LTBP2: variants seen among roughly 807,000 people sequenced by gnomAD.
The protein encoded by LTBP2 is latent-transforming growth factor beta-binding protein 2.
Under a neutral mutation model 210.6 loss-of-function variants are expected in LTBP2, and 103 were observed. The observed-to-expected ratio is 0.49, with a 90% confidence interval of 0.42 to 0.58. The LOEUF is 0.58. Among genes scored for constraint, LTBP2 ranks in the 20% least tolerant of loss-of-function variants. The pLI is 0.00. For synonymous variants in LTBP2, 1,007 were observed against 1,015.0 expected (o/e 0.99, Z 0.15); for missense variants, 2,313 against 2,494.5 (o/e 0.93, Z 1.55).
At chr14:74,553,735 C>T (rs933280959) in intron 4 of LTBP2, among the ~76,000 whole-genome samples, 4 of 151,924 alleles carry the variant, frequency 2.6e-5, no homozygotes, top group African/African-American at 4.8e-5. Flanking sequence ...AAGCTGAGGC[C>T]GCTTCATTTC....
At chr14:74,505,637 G>A (rs2086972919) in intron 28 of LTBP2, among the ~76,000 whole-genome samples, 1 of 152,098 alleles carries the variant, frequency 6.6e-6, no homozygotes, top group Non-Finnish European at 1.5e-5. Context: ...GTCCAGCCTG[G>A]CGTGAGAGGC....
chr14:74,563,487 C>A (rs147085125), intron 3 of LTBP2, among the ~76,000 whole-genome samples: 1 of 152,112 alleles, frequency 6.6e-6, no homozygotes, highest in East Asian at 1.9e-4. Flanking sequence ...GGAAACACAG[C>A]GGCAGCTCCT....
At chr14:74,561,639 A>G (rs1037837306) in intron 3 of LTBP2, among the ~76,000 whole-genome samples, 3 of 152,226 alleles carry the variant, frequency 2.0e-5, no homozygotes, top group Non-Finnish European at 4.4e-5. Flanking sequence ...TACAATAAAT[A>G]TGCATCACAT....
At chr14:74,528,373 C>A (rs895560744) in intron 12 of LTBP2, 110 bp downstream of exon 12, 4 of 1,265,874 alleles carry the variant, frequency 3.2e-6, no homozygotes, top group African/African-American at 1.5e-5. Context: ...TTTCCTAATG[C>A]CACAGAGATG....
At position 74,561,242 on chromosome 14, in the gene LTBP2, C is replaced by T. The variant is rs555023378; in HGVS notation, c.831-5549G>A. 2.2e-3 allele frequency among the ~76,000 whole-genome samples: 336 copies of T among 151,996 alleles called. 1 individual carries two copies. Among genetic ancestry groups the T allele is most frequent in the Non-Finnish European group, 3.6e-3 (246 of 67,936 alleles). ...CTGAGGCAGGAGAATCACTTGAACC[C>T]GGGAGGCAGAGGTTGCAGTGAGCCG... On this transcript the variant is annotated intron_variant, in intron 3 of 35. Coordinates refer to ENST00000261978, the MANE Select transcript of LTBP2 (RefSeq NM_000428.3).
At chr14:74,573,828 C>G (rs1019208688) in intron 3 of LTBP2, among the ~76,000 whole-genome samples, 1 of 152,200 alleles carries the variant, frequency 6.6e-6, no homozygotes, top group Non-Finnish European at 1.5e-5. Context: ...ACTTTATCCA[C>G]ATTCCTTTGT....
intron 9 of LTBP2, among the ~76,000 whole-genome samples, chr14:74,533,017 G>C (rs1417216702): frequency 6.6e-6 from 1 of 152,088 alleles, no homozygotes; most frequent in Non-Finnish European, 1.5e-5. Context: ...TTTTTGTACT[G>C]TATTTTTTGT....
In LTBP2 at chr14:74,500,830, C is replaced by G; in HGVS notation, c.*54G>C. On this transcript the variant is annotated 3_prime_UTR_variant, in exon 36 of 36. Transcript: ENST00000261978. ...CAGCTAGGAAATCATCCTCAAGGCC[C>G]CTGCCTGTGACTGGAGGCCATTTCC... The G allele has an allele frequency of 1.9e-6, 3 of 1,609,678 alleles. No individual in the cohort carries two copies. The highest frequency in any genetic ancestry group is 2.5e-6 in the Non-Finnish European group (3 of 1,177,472).
Position 74,585,866 on chromosome 14 carries a change from G to A in LTBP2, c.818C>T (p.Ser273Leu), listed in dbSNP as rs143282840. 653 of 1,613,290 alleles carry A rather than the reference G, an allele frequency of 4.0e-4. 4 individuals carry two copies. The highest frequency in any genetic ancestry group is 1.5e-3 in the South Asian group (140 of 91,064). Reference protein sequence around the residue: ...PAPQSPPAPQSPPAGTLSGLS... With the variant: ...PAPQSPPAPQLPPAGTLSGLS... ...GAAGGGGACTTACCCAGCTGGTGGC[G>A]ACTGTGGTGCGGGCGGCGACTGTGG... The change falls in exon 3 of 36, where the codon TCG becomes TTG. Residue 273 changes from serine to leucine, a missense_variant. By Grantham distance (145) the Ser-to-Leu change is moderately radical. This residue lies in a region of LTBP2 where 1,867 missense variants were observed against 1,976.9 expected (regional missense o/e 0.94). Coordinates refer to ENST00000261978, the MANE Select transcript of LTBP2 (RefSeq NM_000428.3).
At chr14:74,564,266 T>C (rs1244670185) in intron 3 of LTBP2, among the ~76,000 whole-genome samples, 1 of 74,496 alleles carries the variant, frequency 1.3e-5, no homozygotes, top group Non-Finnish European at 2.3e-5. Context: ...TATATATTTA[T>C]ATATATTTAT....
At chr14:74,560,059 C>T (rs971585364) in intron 3 of LTBP2, 1 of 152,074 alleles carries the variant, frequency 6.6e-6, no homozygotes, top group African/African-American at 2.4e-5. Flanking sequence ...CCACAATGGA[C>T]CAAAAAGTCA....
chr14:74,510,014 C>A (rs1402909200), intron 20 of LTBP2, 77 bp downstream of exon 20: 2 of 1,612,302 alleles, frequency 1.2e-6, no homozygotes, highest in East Asian at 4.5e-5. Flanking sequence ...TTCAGGGGGC[C>A]AAGGGTGGTG....
chr14:74,603,849 A>G (rs1415922689), intron 1 of LTBP2, 144 bp from the exon 2 acceptor site: 3 of 725,962 alleles, frequency 4.1e-6, no homozygotes, highest in Non-Finnish European at 7.5e-6. Flanking sequence ...CTACTTGCAA[A>G]TCTAAGATTG....
At chr14:74,610,925 A>C (rs1344545061) in intron 1 of LTBP2, among the ~76,000 whole-genome samples, 4 of 152,108 alleles carry the variant, frequency 2.6e-5, no homozygotes, top group Non-Finnish European at 5.9e-5. Context: ...GCGCAGGCCG[A>C]CCCACGCCCC....
chr14:74,503,992 C>A lies in LTBP2; in HGVS notation c.4516G>T (p.Val1506Leu). 6.2e-7 allele frequency: 1 copy of A among 1,614,118 alleles called. No homozygotes were observed. The highest frequency in any genetic ancestry group is 8.5e-7 in the Non-Finnish European group (1 of 1,180,028). ...LCPNGRCLNT[V>L]PGYVCLCNPG... ...TTGCACAGGCAGACATAACCAGGCA[C>A]GGTGTTGAGGCACCGGCCGTTCGGG... Residue 1506 changes from valine (V) to leucine (L), a missense_variant, in exon 31 of 36, where the codon GTG becomes TTG. Coordinates refer to ENST00000261978, the MANE Select transcript of LTBP2 (RefSeq NM_000428.3).
Position 74,565,925 on chromosome 14 carries a change from G to A in LTBP2, c.831-10232C>T, listed in dbSNP as rs544609589. On this transcript the variant is annotated intron_variant, in intron 3 of 35. Coordinates refer to ENST00000261978, the MANE Select transcript of LTBP2 (RefSeq NM_000428.3). ...CATAAATTCTTCTCCAACCTCTGGC[G>A]CCTGCTACCACTTGTCTGCTAGCAC... Among the ~76,000 whole-genome samples the A allele has an allele frequency of 2.1e-4, 32 of 152,212 alleles. No homozygotes were observed. The South Asian group carries it at 5.4e-3, about 26-fold the overall frequency.
At chr14:74,541,535 G>A (rs745689172) in intron 8 of LTBP2, among the ~76,000 whole-genome samples, 5 of 152,124 alleles carry the variant, frequency 3.3e-5, no homozygotes, top group Non-Finnish European at 5.9e-5. Flanking sequence ...AGGTCACCCC[G>A]CTGGTGGACA....
At position 74,501,268 on chromosome 14, in the gene LTBP2, G is replaced by A. The variant is rs1212151953; in HGVS notation, c.5320+173C>T. Among the ~76,000 whole-genome samples, 4 of 152,228 alleles carry A rather than the reference G, an allele frequency of 2.6e-5. No homozygotes were observed. The East Asian group carries it at 7.7e-4, about 29-fold the overall frequency. ...TGTCTTTTGTCTGGGAACCTGCACG[G>A]AAGGGGCTTTCTAAAGCACATAATT... On this transcript the variant is annotated intron_variant, in intron 35 of 35. Coordinates refer to ENST00000261978, the MANE Select transcript of LTBP2 (RefSeq NM_000428.3).
chr14:74,550,456 A>G (rs890104061), intron 7 of LTBP2, among the ~76,000 whole-genome samples: 7 of 152,194 alleles, frequency 4.6e-5, no homozygotes, highest in African/African-American at 1.7e-4. Flanking sequence ...GGTTTCTGGA[A>G]ATACCTTAGT....
Sources: allele counts gnomAD v4.1 joint callset (sites outside exome capture counted in the v4.1 genomes callset), GRCh38; gene constraint gnomAD v4.1.1; regional missense constraint gnomAD v4.1.1; transcripts MANE v1.5; gene names NCBI Gene and HGNC (gene_info 2026-07-23, HGNC 2026-07-21).